Variants in PGPEP1 observed in about 807,000 individuals in gnomAD.
PGPEP1 encodes the protein pyroglutamyl-peptidase 1.
In PGPEP1, 15 loss-of-function variants were observed where a neutral mutation model predicts 24.1. That is an observed-to-expected ratio of 0.62 (90% CI 0.42 to 0.96). PGPEP1 has a LOEUF of 0.96. Ranked by LOEUF, PGPEP1 falls within the 40% of genes least tolerant of loss-of-function variation. PGPEP1 has a pLI of 0.00. For synonymous variants in PGPEP1, 122 were observed against 116.4 expected (o/e 1.05, Z -0.31); for missense variants, 242 against 273.4 (o/e 0.89, Z 0.81).
chr19:18,341,202 C>T (rs1216553017), intron 1 of PGPEP1, among the ~76,000 whole-genome samples: 1 of 152,222 alleles, frequency 6.6e-6, no homozygotes, highest in African/African-American at 2.4e-5. Flanking sequence ...GCGCCCTGCG[C>T]TCCTGGGGGG....
At position 18,365,846 on chromosome 19, in the gene PGPEP1, A is replaced by C. The variant is rs1407046145; in HGVS notation, c.*2263A>C. On this transcript the variant is annotated 3_prime_UTR_variant, in exon 5 of 5. Transcript: ENST00000269919. ...AGGTGGATGCTGGCGGGTGACTTGC[A>C]GTGGGCGCCTGGCAGTGGGTGTGGA... 1 of 152,176 alleles carries C rather than the reference A, an allele frequency of 6.6e-6. No individual in the cohort carries two copies. The highest frequency in any genetic ancestry group is 6.6e-5 in the Admixed American group (1 of 15,250). 9.4% of individuals were successfully genotyped at this position (152,176 alleles called of 1,614,324 possible). A position where few individuals can be genotyped will look rare whatever the true frequency, so the allele number is the denominator to read the frequency against.
intron 2 of PGPEP1, among the ~76,000 whole-genome samples, chr19:18,350,177 C>T (rs1447514611): frequency 2.0e-5 from 3 of 152,116 alleles, no homozygotes; most frequent in Non-Finnish European, 4.4e-5. Context: ...TGCGACACCA[C>T]GCCTGGCTAA....
chr19:18,363,275 TGGGTTGC>T, intron 4 of PGPEP1, 109 bp from the exon 5 acceptor site: 1 of 736,954 alleles, frequency 1.4e-6, no homozygotes, highest in African/African-American at 1.8e-5. Flanking sequence ...TTCCATCTTG[TGGGTTGC>T]TGGTAAGGTC....
intron 2 of PGPEP1, among the ~76,000 whole-genome samples, chr19:18,351,484 C>A (rs905578302): frequency 6.8e-6 from 1 of 147,980 alleles, no homozygotes; most frequent in Non-Finnish European, 1.5e-5. Flanking sequence ...ATTAGCCAGG[C>A]GTAGTGGTGC....
At chr19:18,346,560 C>T (rs1392337897) in intron 2 of PGPEP1, among the ~76,000 whole-genome samples, 1 of 150,970 alleles carries the variant, frequency 6.6e-6, no homozygotes, top group Non-Finnish European at 1.5e-5. Flanking sequence ...CTGTGTCTCT[C>T]TTCATCTCTC....
chr19:18,342,999 A>C (rs1483233372), intron 2 of PGPEP1, 88 bp downstream of exon 2: 16 of 1,018,880 alleles, frequency 1.6e-5, no homozygotes, highest in Admixed American at 8.6e-5. Context: ...CCTTTTAACA[A>C]AAACTTTTTT....
chr19:18,363,381 T>G lies in PGPEP1; in HGVS notation c.438-10T>G. 1 of 1,598,622 alleles carries G rather than the reference T, an allele frequency of 6.3e-7. No individual in the cohort carries two copies. Among genetic ancestry groups the G allele is most frequent in the Non-Finnish European group, 8.6e-7 (1 of 1,166,988 alleles). On this transcript the variant is annotated splice_polypyrimidine_tract_variant and intron_variant, in intron 4 of 4. Coordinates refer to ENST00000269919, the MANE Select transcript of PGPEP1 (RefSeq NM_017712.4). Reference sequence around the variant, plus strand: ...GGTCTCTCTCTTACCCGCCACGCCCTGCGGCTTAGATATCTCTGCGACTTT... The same window carrying G: ...GGTCTCTCTCTTACCCGCCACGCCCGGCGGCTTAGATATCTCTGCGACTTT...
intron 2 of PGPEP1, among the ~76,000 whole-genome samples, chr19:18,354,184 G>A (rs1298447962): frequency 1.3e-5 from 2 of 152,226 alleles, no homozygotes; most frequent in East Asian, 1.9e-4. Flanking sequence ...GCAGTGAACC[G>A]AGATCATAGC....
At chr19:18,360,075 G>T (rs1276297922) in intron 4 of PGPEP1, among the ~76,000 whole-genome samples, 1 of 152,032 alleles carries the variant, frequency 6.6e-6, no homozygotes, top group Admixed American at 6.6e-5. Context: ...TATAATCACA[G>T]CTCACTGCAG....
Position 18,364,631 on chromosome 19 carries a change from G to T in PGPEP1, c.*1048G>T, listed in dbSNP as rs1321215261. 3 of 152,086 alleles carry T rather than the reference G, an allele frequency of 2.0e-5. No homozygotes were observed. The highest frequency in any genetic ancestry group is 2.0e-4 in the Admixed American group (3 of 15,244). 9.4% of individuals were successfully genotyped at this position (152,086 alleles called of 1,614,324 possible). ...TCTGTCTCAAAACAATTGGACTTAAGATGGCATGTCTTTGTTTTAGGGCCA... is the reference window on the plus strand; with the variant it reads ...TCTGTCTCAAAACAATTGGACTTAATATGGCATGTCTTTGTTTTAGGGCCA... On this transcript the variant is annotated 3_prime_UTR_variant, in exon 5 of 5. Transcript: ENST00000269919.
At chr19:18,342,778 C>A in intron 1 of PGPEP1, 81 bp from the exon 2 acceptor site, 2 of 1,069,688 alleles carry the variant, frequency 1.9e-6, no homozygotes, top group Admixed American at 1.8e-5. Flanking sequence ...CTTGCTTCTC[C>A]AGGTGGGAGT....
chr19:18,348,141 C>G (rs1186654475), intron 2 of PGPEP1, among the ~76,000 whole-genome samples: 1 of 152,126 alleles, frequency 6.6e-6, no homozygotes, highest in African/African-American at 2.4e-5. Context: ...TCTCCCCTAC[C>G]TCTCAGGGTG....
At chr19:18,359,069 C>T (rs1346109693) in intron 4 of PGPEP1, among the ~76,000 whole-genome samples, 1 of 151,996 alleles carries the variant, frequency 6.6e-6, no homozygotes, top group Non-Finnish European at 1.5e-5. Context: ...AGGAGGATCG[C>T]TTGAGCCCAG....
chr19:18,361,321 TG>T (rs1971343679), intron 4 of PGPEP1, among the ~76,000 whole-genome samples: 1 of 151,386 alleles, frequency 6.6e-6, no homozygotes, highest in Admixed American at 6.6e-5. Flanking sequence ...TATTTTTAGT[TG>T]AGATGAGGTT....
At chr19:18,343,014 T>G (rs1970718849) in intron 2 of PGPEP1, 103 bp downstream of exon 2, 1 of 860,980 alleles carries the variant, frequency 1.2e-6, no homozygotes, top group Non-Finnish European at 1.9e-6. Context: ...TTTTTTTTTT[T>G]TTTGAGACGA....
chr19:18,356,754 C>T (rs771228911), intron 3 of PGPEP1, among the ~76,000 whole-genome samples: 1 of 146,440 alleles, frequency 6.8e-6, no homozygotes, highest in Non-Finnish European at 1.5e-5. Context: ...AAAAAACAAA[C>T]AAGACCAGGC....
intron 2 of PGPEP1, among the ~76,000 whole-genome samples, chr19:18,353,937 G>T (rs2144557194): frequency 6.6e-6 from 1 of 152,256 alleles, no homozygotes; most frequent in South Asian, 2.1e-4. Flanking sequence ...GAATACTAGA[G>T]AGGCTTCTTT....
chr19:18,357,285 A>C, intron 3 of PGPEP1, 98 bp from the exon 4 acceptor site: 46 of 750,344 alleles, frequency 6.1e-5, no homozygotes, highest in Non-Finnish European at 9.3e-5. Flanking sequence ...AACCCCAGGC[A>C]GAGCTCATTA....
At position 18,364,447 on chromosome 19, in the gene PGPEP1, C is replaced by G. The variant is rs1300389401; in HGVS notation, c.*864C>G. ...TGGCCAACATGGTGAAACCCTGCCT[C>G]TACTAAAAATACAAAAATTAGCCGG... On this transcript the variant is annotated 3_prime_UTR_variant, in exon 5 of 5. Transcript: ENST00000269919. 6.6e-6 allele frequency: 1 copy of G among 152,088 alleles called. No individual in the cohort carries two copies. The highest frequency in any genetic ancestry group is 1.5e-5 in the Non-Finnish European group (1 of 68,068). 9.4% of individuals were successfully genotyped at this position (152,088 alleles called of 1,614,324 possible).
Sources: gnomAD v4.1 joint callset for allele counts (sites outside exome capture counted in the v4.1 genomes callset) on GRCh38, gnomAD v4.1.1 for gene constraint, MANE v1.5 for transcripts, NCBI Gene and HGNC (gene_info 2026-07-23, HGNC 2026-07-21) for gene names.